Variants in PPP2R3B observed in about 807,000 individuals in gnomAD.
PPP2R3B encodes the protein protein phosphatase 2 regulatory subunit B''beta, also known as serine/threonine-protein phosphatase 2A regulatory subunit B'' subunit beta.
A neutral mutation model predicts 72.9 loss-of-function variants in PPP2R3B; 68 were observed. That is an observed-to-expected ratio of 0.93 (90% CI 0.77 to 1.14). PPP2R3B has a LOEUF of 1.14. PPP2R3B is among the 50% of genes most tolerant of loss of function. The pLI, the probability that PPP2R3B is intolerant of heterozygous loss-of-function variation, is 0.00. For missense variants in PPP2R3B, 1,018 were observed against 842.0 expected (o/e 1.21, Z -2.59); for synonymous variants, 466 against 375.8 (o/e 1.24, Z -2.78).
At chrX:340,391 C>A (rs906500399) in intron 10 of PPP2R3B, among the ~76,000 whole-genome samples, 1 of 151,656 alleles carries the variant, frequency 6.6e-6, no homozygotes, top group African/African-American at 2.4e-5. Flanking sequence ...TGGTGCTGGC[C>A]CTCCTCACAA....
chrX:345,013 C>T (rs2071166444), intron 7 of PPP2R3B: 2 of 370,528 alleles, frequency 5.4e-6, no homozygotes, highest in Non-Finnish European at 1.1e-5. Context: ...GTGTGGATGA[C>T]TCTTAGAGGG....
rs776969951 is a variant in PPP2R3B at position 334,536 on chromosome X, G to A, written c.1578-19C>T. 63 of 1,523,360 alleles carry A rather than the reference G, an allele frequency of 4.1e-5. No homozygotes were observed. Among genetic ancestry groups the A allele is most frequent in the African/African-American group, 2.4e-4 (17 of 70,758 alleles). 94.4% of individuals were successfully genotyped at this position (1,523,360 alleles called of 1,614,324 possible). On this transcript the variant is annotated intron_variant, in intron 12 of 12. Transcript: ENST00000390665. ...CTCGAACCTGCAACGAGGGGATGGC[G>A]AAGACGTGGCCAGCAGCGCGGAGCA...
In PPP2R3B at chrX:378,662, T is replaced by C. The variant is rs181160178; in HGVS notation, c.324+7706A>G. 5.0e-3 allele frequency among the ~76,000 whole-genome samples: 763 copies of C among 152,126 alleles called. 11 individuals carry two copies. The highest frequency in any genetic ancestry group is 0.018 in the African/African-American group (731 of 41,494). ...GTCCACCTCATCTCAGGAAACGGCA[T>C]GGTTCTCTCTGTCAACAGAAGGGGA... is the stretch of plus-strand genomic sequence containing the variant. On this transcript the variant is annotated intron_variant, in intron 1 of 12. Transcript: ENST00000390665.
At chrX:351,016 G>GA (rs1345451256) in intron 2 of PPP2R3B, among the ~76,000 whole-genome samples, 2 of 152,190 alleles carry the variant, frequency 1.3e-5, no homozygotes, top group Non-Finnish European at 2.9e-5. Flanking sequence ...GACCACGGGG[G>GA]GGCGTGGGGG....
At chrX:383,867 A>C (rs1472951682) in intron 1 of PPP2R3B, among the ~76,000 whole-genome samples, 11 of 138,538 alleles carry the variant, frequency 7.9e-5, no homozygotes, top group African/African-American at 1.1e-4. Flanking sequence ...AAAAAAAAAA[A>C]CCAAAAAAAC....
intron 1 of PPP2R3B, among the ~76,000 whole-genome samples, chrX:380,524 G>C (rs766881571): frequency 2.9e-4 from 44 of 152,216 alleles, no homozygotes; most frequent in African/African-American, 8.9e-4. Flanking sequence ...GGTTGCCCTC[G>C]TCTGTCATCC....
intron 10 of PPP2R3B, among the ~76,000 whole-genome samples, chrX:340,183 GGT>G (rs2071018727): frequency 9.4e-5 from 4 of 42,362 alleles, no homozygotes; most frequent in Non-Finnish European, 1.3e-4. Flanking sequence ...GGGGGGGCGG[GGT>G]GAGAGGGGAG....
intron 2 of PPP2R3B, among the ~76,000 whole-genome samples, chrX:356,995 G>A (rs781384323): frequency 2.0e-4 from 29 of 141,748 alleles, no homozygotes; most frequent in African/African-American, 7.7e-4. Flanking sequence ...CACACATAGC[G>A]AAACATCTTG....
In PPP2R3B at chrX:374,472, T is replaced by C. The variant is rs746330181; in HGVS notation, c.324+11896A>G. Among the ~76,000 whole-genome samples the C allele has an allele frequency of 5.3e-5, 8 of 152,324 alleles. No homozygotes were observed. The East Asian group carries it at 1.5e-3, about 29-fold the overall frequency. ...TCTCGTCTTCTCTGCCACTGCTCACTGTGATAACTGCGCTTGTTTGCAATC... is the reference window on the plus strand; with the variant it reads ...TCTCGTCTTCTCTGCCACTGCTCACCGTGATAACTGCGCTTGTTTGCAATC... On this transcript the variant is annotated intron_variant, in intron 1 of 12. Coordinates refer to ENST00000390665, the MANE Select transcript of PPP2R3B (RefSeq NM_013239.5).
At chrX:337,522 C>T (rs2070923132) in intron 12 of PPP2R3B, 1 of 152,324 alleles carries the variant, frequency 6.6e-6, no homozygotes, top group Non-Finnish European at 1.5e-5. Flanking sequence ...CCACGGGAGG[C>T]CGGTGGGGGC....
chrX:364,852 C>A, intron 1 of PPP2R3B, among the ~76,000 whole-genome samples: 2 of 34,738 alleles, frequency 5.8e-5, no homozygotes, highest in Non-Finnish European at 9.3e-5. Flanking sequence ...CACTGCACTC[C>A]AGCCTGGGCG....
In PPP2R3B at chrX:346,791, C is replaced by CCTGCCTCGTGTCT. The variant is rs2071225250; in HGVS notation, c.718-17_718-16insAGACACGAGGCAG. On this transcript the variant is annotated splice_polypyrimidine_tract_variant and intron_variant, in intron 4 of 12. Coordinates refer to ENST00000390665, the MANE Select transcript of PPP2R3B (RefSeq NM_013239.5). ...TCACCACGTCCTGCGGGTGGGAAGA[C>CCTGCCTCGTGTCT]ACGAGGCGCGTGGTGTAGACGCCGG... 6.2e-7 allele frequency: 1 copy of CCTGCCTCGTGTCT among 1,606,250 alleles called. No homozygotes were observed. The highest frequency in any genetic ancestry group is 1.3e-5 in the African/African-American group (1 of 74,814).
chrX:369,941 A>G (rs2071820843), intron 1 of PPP2R3B, among the ~76,000 whole-genome samples: 1 of 151,986 alleles, frequency 6.6e-6, no homozygotes, highest in South Asian at 2.1e-4. Flanking sequence ...CGGGACGCAC[A>G]CTCATGGATT....
At chrX:380,603 T>C (rs1019249117) in intron 1 of PPP2R3B, among the ~76,000 whole-genome samples, 4 of 151,754 alleles carry the variant, frequency 2.6e-5, no homozygotes, top group Admixed American at 2.6e-4. Context: ...CTGACCAACA[T>C]AGTGAAACCC....
chrX:352,702 C>T (rs1210101575), intron 2 of PPP2R3B, among the ~76,000 whole-genome samples: 2 of 151,876 alleles, frequency 1.3e-5, no homozygotes, highest in African/African-American at 4.8e-5. Context: ...AAGTCCCGAG[C>T]GTCTACAGTC....
At chrX:350,283 G>A (rs1428886065) in intron 2 of PPP2R3B, among the ~76,000 whole-genome samples, 2 of 152,184 alleles carry the variant, frequency 1.3e-5, no homozygotes, top group African/African-American at 2.4e-5. Context: ...CCAAACAGCG[G>A]CCCCTCCTGG....
At chrX:363,595 C>A (rs1429241103) in intron 1 of PPP2R3B, among the ~76,000 whole-genome samples, 7 of 129,212 alleles carry the variant, frequency 5.4e-5, no homozygotes, top group Middle Eastern at 5.2e-3. Context: ...ATGCATCTCC[C>A]CGTGCCCGCA....
At chrX:382,549 G>A (rs2072150578) in intron 1 of PPP2R3B, among the ~76,000 whole-genome samples, 2 of 150,552 alleles carry the variant, frequency 1.3e-5, no homozygotes, top group South Asian at 2.1e-4. Flanking sequence ...TAAACTCAGT[G>A]CATTTCTCAA....
At chrX:379,469 TG>T (rs1457280540) in intron 1 of PPP2R3B, among the ~76,000 whole-genome samples, 1 of 152,128 alleles carries the variant, frequency 6.6e-6, no homozygotes, top group Admixed American at 6.5e-5. Context: ...CCTGTGTGTT[TG>T]TGTGTATGCA....
Sources: allele counts gnomAD v4.1 joint callset (sites outside exome capture counted in the v4.1 genomes callset), GRCh38; gene constraint gnomAD v4.1.1; transcripts MANE v1.5; gene names NCBI Gene and HGNC (gene_info 2026-07-23, HGNC 2026-07-21).